The following MN1 variants were observed in gnomAD, a reference collection of about 807,000 sequenced individuals.
MN1 encodes transcriptional activator MN1.
A neutral mutation model predicts 86.9 loss-of-function variants in MN1; 19 were observed. The observed-to-expected ratio is 0.22, with a 90% CI of 0.15 to 0.32. MN1 has a LOEUF of 0.32. Among genes scored for constraint, MN1 ranks in the 10% least tolerant of loss-of-function variants. The pLI is 1.00. For synonymous variants in MN1, 928 were observed against 849.6 expected (o/e 1.09, Z -1.60); for missense variants, 1,841 against 1,862.0 (o/e 0.99, Z 0.21).
At chr22:27,777,877 CA>C (rs754050669) in intron 1 of MN1, among the ~76,000 whole-genome samples, 273 of 138,996 alleles carry the variant, frequency 2.0e-3, no homozygotes, top group Middle Eastern at 3.6e-3. Context: ...ACTGCATCTC[CA>C]AAAAAAAAAA....
chr22:27,777,702 TAC>T (rs35992247), intron 1 of MN1, among the ~76,000 whole-genome samples: 3 of 148,576 alleles, frequency 2.0e-5, no homozygotes, highest in Non-Finnish European at 1.5e-5. Context: ...CTACTAAAAA[TAC>T]ACACACACAC....
chr22:27,796,972 C>T lies in MN1; in HGVS notation c.3572G>A (p.Gly1191Glu), dbSNP rs750700213. The change falls in exon 1 of 2, where the codon GGG becomes GAG. Residue 1191 changes from glycine (G) to glutamate (E), a missense_variant. Transcript: ENST00000302326. ...KKGECAVGAS[G>E]AQNGDSELGS... ...CAGCTCGCTGTCGCCATTCTGCGCCCCTGAGGCCCCGACGGCGCACTCACC... is the reference window on the plus strand; with the variant it reads ...CAGCTCGCTGTCGCCATTCTGCGCCTCTGAGGCCCCGACGGCGCACTCACC... The T allele has an allele frequency of 6.2e-7, 1 of 1,612,398 alleles. No homozygotes were observed. The highest frequency in any genetic ancestry group is 1.3e-5 in the African/African-American group (1 of 75,042).
In MN1 at chr22:27,800,681, C is replaced by T; in HGVS notation, c.-138G>A. 8.3e-7 allele frequency: 1 copy of T among 1,208,454 alleles called. No individual in the cohort carries two copies. The allele number at this position is 1,208,454 out of a possible 1,614,324, so 74.9% of individuals were successfully genotyped here. A position where few individuals can be genotyped will look rare whatever the true frequency, so the allele number is the denominator to read the frequency against. ...ACCGCGGGGGCTCAGCGCGCACCTC[C>T]ACCCCGCCTGATGTGAGGGACGGGG... On this transcript the variant is annotated 5_prime_UTR_variant, in exon 1 of 2. Transcript: ENST00000302326.
At position 27,798,551 on chromosome 22, in the gene MN1, G is replaced by A; in HGVS notation, c.1993C>T (p.Pro665Ser). ...DCGPHDPSLA[P>S]PPPPGGSGVL... ...CCCGAGCCACCAGGCGGAGGAGGGG[G>A]CGCCAGGCTGGGGTCGTGCGGGCCA... Residue 665 changes from proline to serine, a missense_variant, in exon 1 of 2, where the codon CCC becomes TCC. By Grantham distance (74) the Pro-to-Ser change is moderately conservative. Coordinates refer to ENST00000302326, the MANE Select transcript of MN1 (RefSeq NM_002430.3). 1 of 1,518,752 alleles carries A rather than the reference G, an allele frequency of 6.6e-7. No individual in the cohort carries two copies. Among genetic ancestry groups the A allele is most frequent in the Non-Finnish European group, 8.7e-7 (1 of 1,143,418 alleles). 94.1% of individuals were successfully genotyped at this position (1,518,752 alleles called of 1,614,324 possible).
chr22:27,779,113 CA>C (rs1933018119), intron 1 of MN1, among the ~76,000 whole-genome samples: 2 of 152,222 alleles, frequency 1.3e-5, no homozygotes, highest in South Asian at 4.1e-4. Flanking sequence ...CCTCAGGGGC[CA>C]AAGGCAGCAG....
chr22:27,791,126 GA>G (rs1438856996), intron 1 of MN1, among the ~76,000 whole-genome samples: 2 of 152,034 alleles, frequency 1.3e-5, no homozygotes, highest in African/African-American at 4.8e-5. Context: ...GAGGGGGAGA[GA>G]GGGGGGCTTC....
intron 1 of MN1, among the ~76,000 whole-genome samples, chr22:27,755,353 A>G (rs977142159): frequency 6.6e-6 from 1 of 152,104 alleles, no homozygotes; most frequent in Non-Finnish European, 1.5e-5. Flanking sequence ...CATCATCTCA[A>G]AACAGATAAC....
chr22:27,749,573 T>G lies in MN1; in HGVS notation c.*1342A>C, dbSNP rs1209037425. ...CACCACTCATCTCTGCTCAGAGCAGTTATTCCTTTGTGAGATGCTTGGGAC... is the reference window on the plus strand; with the variant it reads ...CACCACTCATCTCTGCTCAGAGCAGGTATTCCTTTGTGAGATGCTTGGGAC... On this transcript the variant is annotated 3_prime_UTR_variant, in exon 2 of 2. Coordinates refer to ENST00000302326, the MANE Select transcript of MN1 (RefSeq NM_002430.3). 1 of 232,426 alleles carries G rather than the reference T, an allele frequency of 4.3e-6. No individual in the cohort carries two copies. The highest frequency in any genetic ancestry group is 6.1e-5 in the East Asian group (1 of 16,458). 14.4% of individuals were successfully genotyped at this position (232,426 alleles called of 1,614,324 possible).
intron 1 of MN1, 119 bp downstream of exon 1, chr22:27,796,644 G>A: frequency 9.8e-7 from 1 of 1,016,566 alleles, no homozygotes; most frequent in South Asian, 1.6e-5. Flanking sequence ...TCCTAGTTGG[G>A]GATTAGGAGG....
chr22:27,789,219 G>C (rs151335689), intron 1 of MN1, among the ~76,000 whole-genome samples: 1 of 152,304 alleles, frequency 6.6e-6, no homozygotes, highest in African/African-American at 2.4e-5. Context: ...TGGTTCTCTT[G>C]TGGGTATCTT....
chr22:27,794,990 C>A (rs543964331), intron 1 of MN1, among the ~76,000 whole-genome samples: 44 of 135,284 alleles, frequency 3.3e-4, no homozygotes, highest in East Asian at 1.3e-3. Context: ...CGGGCCAGAT[C>A]GAGATGTCGT....
chr22:27,749,156 G>C lies in MN1; in HGVS notation c.*1759C>G, dbSNP rs530431242. On this transcript the variant is annotated 3_prime_UTR_variant, in exon 2 of 2. Coordinates refer to ENST00000302326, the MANE Select transcript of MN1 (RefSeq NM_002430.3). ...CGCAGACTCAGACCCCAGCCAAAAGGACCGGCAGAAGGAAAGAGGGGAGAA... is the reference window on the plus strand; with the variant it reads ...CGCAGACTCAGACCCCAGCCAAAAGCACCGGCAGAAGGAAAGAGGGGAGAA... 1 of 231,830 alleles carries C rather than the reference G, an allele frequency of 4.3e-6. No individual in the cohort carries two copies. Among genetic ancestry groups the C allele is most frequent in the Non-Finnish European group, 8.5e-6 (1 of 117,240 alleles). 14.4% of individuals were successfully genotyped at this position (231,830 alleles called of 1,614,324 possible).
chr22:27,758,237 A>G (rs989604525), intron 1 of MN1, among the ~76,000 whole-genome samples: 2 of 151,730 alleles, frequency 1.3e-5, no homozygotes, highest in South Asian at 4.2e-4. Context: ...CCCCAACTAT[A>G]CATTCTCTCA....
At chr22:27,790,750 GGTGTTAGCTGAA>G in intron 1 of MN1, among the ~76,000 whole-genome samples, 1 of 152,152 alleles carries the variant, frequency 6.6e-6, no homozygotes, top group Non-Finnish European at 1.5e-5. Context: ...GCAGGAAACT[GGTGTTAGCTGAA>G]CTCAGCCAGA....
At chr22:27,770,164 C>T (rs1932902249) in intron 1 of MN1, among the ~76,000 whole-genome samples, 2 of 152,230 alleles carry the variant, frequency 1.3e-5, no homozygotes, top group East Asian at 1.9e-4. Context: ...CTCCCAAATC[C>T]TTTCCGGCCA....
At chr22:27,763,104 A>C (rs1292026791) in intron 1 of MN1, among the ~76,000 whole-genome samples, 1 of 151,898 alleles carries the variant, frequency 6.6e-6, no homozygotes, top group Non-Finnish European at 1.5e-5. Context: ...CAAAAAAACA[A>C]AACAAAACAA....
intron 1 of MN1, among the ~76,000 whole-genome samples, chr22:27,753,733 C>G (rs1479604863): frequency 2.0e-5 from 3 of 152,192 alleles, no homozygotes; most frequent in Non-Finnish European, 4.4e-5. Context: ...CACCAGGAAG[C>G]TTAAGGCATC....
intron 1 of MN1, among the ~76,000 whole-genome samples, chr22:27,790,319 C>T (rs1039423356): frequency 5.3e-5 from 8 of 152,234 alleles, no homozygotes; most frequent in South Asian, 2.1e-4. Flanking sequence ...ATCTCACCCA[C>T]GCTCTGCAAA....
chr22:27,764,870 C>T (rs567326268), intron 1 of MN1, among the ~76,000 whole-genome samples: 3 of 152,300 alleles, frequency 2.0e-5, no homozygotes, highest in Admixed American at 2.0e-4. Context: ...TAGGGTCAGC[C>T]CACTACAGCA....
Sources: allele counts gnomAD v4.1 joint callset (sites outside exome capture counted in the v4.1 genomes callset), GRCh38; gene constraint gnomAD v4.1.1; transcripts MANE v1.5; gene names NCBI Gene and HGNC (gene_info 2026-07-23, HGNC 2026-07-21).